Variants in SLC37A1 observed in about 807,000 individuals in gnomAD.
The protein encoded by SLC37A1 is glucose-6-phosphate exchanger SLC37A1.
A neutral mutation model predicts 75.3 loss-of-function variants in SLC37A1; 49 were observed. That is an observed-to-expected ratio of 0.65 (90% CI 0.52 to 0.83). The LOEUF (loss-of-function observed/expected upper bound fraction) is 0.83. Among genes scored for constraint, SLC37A1 ranks in the 40% least tolerant of loss-of-function variants. The probability of loss-of-function intolerance (pLI) is 0.00; values close to 1 mark genes in which losing one functional copy is unlikely to be tolerated. For missense variants in SLC37A1, 566 were observed against 695.0 expected (o/e 0.81, Z 2.09); for synonymous variants, 268 against 292.1 (o/e 0.92, Z 0.84).
upstream of SLC37A1, among the ~76,000 whole-genome samples, chr21:42,509,950 G>T (rs1488198983): frequency 6.6e-6 from 1 of 152,218 alleles, no homozygotes; most frequent in Non-Finnish European, 1.5e-5. The surrounding 1 kb of genome is among the most constrained non-coding windows in gnomAD (Gnocchi z 4.2). Flanking sequence ...GTCAGTCAAG[G>T]CCTGTCACTG....
At chr21:42,503,976 G>A (rs2054363107) in intron 2 of SLC37A1, among the ~76,000 whole-genome samples, 1 of 152,162 alleles carries the variant, frequency 6.6e-6, no homozygotes, top group Non-Finnish European at 1.5e-5. Flanking sequence ...TCTCAGTGCT[G>A]TTATCTATGA....
chr21:42,566,887 C>T, intron 15 of SLC37A1, 98 bp from the exon 16 acceptor site: 4 of 1,232,678 alleles, frequency 3.2e-6, no homozygotes, highest in Admixed American at 4.1e-5. Context: ...GCTGCATCCC[C>T]TCCCTGTGCT....
At chr21:42,574,251 C>G (rs2056257228) in intron 17 of SLC37A1, among the ~76,000 whole-genome samples, 1 of 152,188 alleles carries the variant, frequency 6.6e-6, no homozygotes, top group Non-Finnish European at 1.5e-5. Flanking sequence ...TACCCAGTTA[C>G]ATTTTTATAG....
At chr21:42,554,274 C>T in intron 10 of SLC37A1, 132 bp downstream of exon 10, 1 of 761,300 alleles carries the variant, frequency 1.3e-6, no homozygotes, top group Non-Finnish European at 2.1e-6. Flanking sequence ...AAAATTCTGT[C>T]TCATTGTATT....
intron 11 of SLC37A1, chr21:42,561,776 G>C (rs923328049): frequency 3.1e-6 from 1 of 318,446 alleles, no homozygotes; most frequent in East Asian, 5.3e-5. Context: ...AGAAAATCTG[G>C]CCACGCTGGG....
At chr21:42,529,829 G>A (rs971388843) in intron 3 of SLC37A1, among the ~76,000 whole-genome samples, 2 of 152,152 alleles carry the variant, frequency 1.3e-5, no homozygotes, top group African/African-American at 2.4e-5. Flanking sequence ...GGCAGTAAGC[G>A]CTATTCACTG....
intron 2 of SLC37A1, among the ~76,000 whole-genome samples, chr21:42,524,514 G>C (rs907924070): frequency 6.6e-6 from 1 of 152,194 alleles, no homozygotes; most frequent in African/African-American, 2.4e-5. Context: ...TTTGAGGGCC[G>C]TGAAATATTT....
At chr21:42,533,740 C>T (rs1314258238) in intron 3 of SLC37A1, among the ~76,000 whole-genome samples, 3 of 152,196 alleles carry the variant, frequency 2.0e-5, no homozygotes, top group African/African-American at 4.8e-5. Flanking sequence ...TTCAGCGTCA[C>T]GGGTCCCAGT....
chr21:42,508,638 C>T (rs2054406838), intron 2 of SLC37A1: 1 of 152,218 alleles, frequency 6.6e-6, no homozygotes, highest in Non-Finnish European at 1.5e-5. Context: ...GAGTGGAGCT[C>T]AGCTACAGAG....
intron 13 of SLC37A1, among the ~76,000 whole-genome samples, chr21:42,564,132 T>A (rs567974577): frequency 6.8e-6 from 1 of 147,684 alleles, no homozygotes; most frequent in Non-Finnish European, 1.5e-5. Flanking sequence ...ATGCCTGTTA[T>A]CCAGCACTGT....
chr21:42,548,980 A>G lies in SLC37A1; in HGVS notation c.768+1840A>G, dbSNP rs1210858397. On this transcript the variant is annotated intron_variant, in intron 9 of 19. Transcript: ENST00000352133. This position sits in a 1 kb window ranked among gnomAD's most constrained non-coding sequence, Gnocchi z 5.6. ...ATGACAAAAACAAAGAAACAAAATG[A>G]AGTTTGAAAACCAGTGCCTTCAGGA... Among the ~76,000 whole-genome samples, 1 of 152,172 alleles carries G rather than the reference A, an allele frequency of 6.6e-6. No individual in the cohort carries two copies. Among genetic ancestry groups the G allele is most frequent in the Non-Finnish European group, 1.5e-5 (1 of 68,044 alleles).
At chr21:42,522,496 A>G (rs1321756184) in intron 2 of SLC37A1, among the ~76,000 whole-genome samples, 1 of 152,152 alleles carries the variant, frequency 6.6e-6, no homozygotes, top group African/African-American at 2.4e-5. Context: ...CGGTTTAGCA[A>G]TAGTCACGGG....
Position 42,547,100 on chromosome 21 carries a change from C to G in SLC37A1, c.731-3C>G. The stretch of plus-strand genomic sequence containing the variant: ...TCAGCCTCACTCATGTTTGCTCTTT[C>G]AGATCCGAACGACGTCAGGTGCTCC... On this transcript the variant is annotated splice_region_variant and splice_polypyrimidine_tract_variant and intron_variant, in intron 8 of 19. Transcript: ENST00000352133. The surrounding 1 kb of genome is among the most constrained non-coding windows in gnomAD (Gnocchi z 6.1). 6.2e-7 allele frequency: 1 copy of G among 1,614,200 alleles called. No individual in the cohort carries two copies. The highest frequency in any genetic ancestry group is 8.5e-7 in the Non-Finnish European group (1 of 1,180,020).
intron 3 of SLC37A1, among the ~76,000 whole-genome samples, chr21:42,526,540 A>AGGGACCCAGCTCCAGGACTGC: frequency 6.6e-6 from 1 of 152,298 alleles, no homozygotes; most frequent in Non-Finnish European, 1.5e-5. Flanking sequence ...GGGAGTTGGC[A>AGGGACCCAGCTCCAGGACTGC]GGGACCCAGC....
chr21:42,579,760 G>T lies in SLC37A1; in HGVS notation c.1546G>T (p.Glu516Ter). Residue 516 changes from glutamate (E) to a stop codon, truncating the protein, a stop_gained, in exon 19 of 20, where the codon GAG becomes TAG. Coordinates refer to ENST00000352133, the MANE Select transcript of SLC37A1 (RefSeq NM_001320537.2). LOFTEE classifies it high-confidence loss of function. ...GTTCCTGATCCGCCTCATACACAAGGAGCTGAGCTGCCCAGGGTCAGCTAC... is the reference window on the plus strand; with the variant it reads ...GTTCCTGATCCGCCTCATACACAAGTAGCTGAGCTGCCCAGGGTCAGCTAC... Reference protein sequence around the residue: ...LLFLIRLIHKELSCPGSATGD... With the variant: ...LLFLIRLIHK The T allele has an allele frequency of 2.5e-6, 4 of 1,614,180 alleles. No homozygotes were observed. Among genetic ancestry groups the T allele is most frequent in the Non-Finnish European group, 3.4e-6 (4 of 1,180,034 alleles).
intron 3 of SLC37A1, among the ~76,000 whole-genome samples, chr21:42,530,223 G>A (rs771267947): frequency 9.2e-5 from 14 of 152,176 alleles, no homozygotes; most frequent in Non-Finnish European, 1.6e-4. Context: ...ATGTGCATAA[G>A]GATGTATAGA....
rs2146908394 is a variant in SLC37A1, at chr21:42,547,208, C to T, written c.768+68C>T. 1.9e-6 allele frequency: 3 copies of T among 1,569,132 alleles called. No individual in the cohort carries two copies. Among genetic ancestry groups the T allele is most frequent in the Non-Finnish European group, 2.6e-6 (3 of 1,139,306 alleles). ...GTTCTGACCACTTCCCCAGCCTGCT[C>T]CTGCCTGTGCGGTGTCAGACAGAAA... On this transcript the variant is annotated intron_variant, in intron 9 of 19. Coordinates refer to ENST00000352133, the MANE Select transcript of SLC37A1 (RefSeq NM_001320537.2). This position sits in a 1 kb window ranked among gnomAD's most constrained non-coding sequence, Gnocchi z 6.1.
At chr21:42,564,844 C>T (rs754738893) in intron 14 of SLC37A1, 51 bp downstream of exon 14, 11 of 1,526,590 alleles carry the variant, frequency 7.2e-6, no homozygotes, top group Middle Eastern at 1.8e-4. Context: ...CAGTCCCCCA[C>T]TGTCCTCCTC....
In SLC37A1 at chr21:42,539,634, A is replaced by T; in HGVS notation, c.473A>T (p.Tyr158Phe). Residue 158 changes from tyrosine to phenylalanine, a missense_variant, in exon 6 of 20, where the codon TAC becomes TTC. Physicochemically the swap from Tyr to Phe is conservative, Grantham distance 22. Coordinates refer to ENST00000352133, the MANE Select transcript of SLC37A1 (RefSeq NM_001320537.2). ...TACAACATCCACAGTTTCGGATTCT[A>T]CGTGGTAACTCAGGTAAGGGTTTGG... ...YFYNIHSFGFYVVTQVINGLV... is the reference protein window; with the variant it reads ...YFYNIHSFGFFVVTQVINGLV... 1 of 1,613,558 alleles carries T rather than the reference A, an allele frequency of 6.2e-7. No individual in the cohort carries two copies.
Sources: gnomAD v4.1 joint callset for allele counts (sites outside exome capture counted in the v4.1 genomes callset) on GRCh38, gnomAD v4.1.1 for gene constraint, Gnocchi (gnomAD v3.1) non-coding constraint, MANE v1.5 for transcripts, NCBI Gene and HGNC (gene_info 2026-07-23, HGNC 2026-07-21) for gene names.